CRACD: variants seen among roughly 807,000 people sequenced by gnomAD.
CRACD encodes the protein capping protein inhibiting regulator of actin dynamics.
A neutral mutation model predicts 106.8 loss-of-function variants in CRACD; 56 were observed. That is an observed-to-expected ratio of 0.52 (90% CI 0.42 to 0.66). CRACD has a LOEUF of 0.66. Among genes scored for constraint, CRACD ranks in the 30% least tolerant of loss-of-function variants. The pLI, the probability that CRACD is intolerant of heterozygous loss-of-function variation, is 0.00. For missense variants in CRACD, 1,730 were observed against 1,623.2 expected, an observed-to-expected ratio of 1.07 and a Z score of -1.13; for synonymous variants, 754 against 670.8, an observed-to-expected ratio of 1.12 and a Z score of -1.92.
chr4:56,274,784 T>C (rs1742582482), intron 3 of CRACD, among the ~76,000 whole-genome samples: 1 of 152,224 alleles, frequency 6.6e-6, no homozygotes, highest in Non-Finnish European at 1.5e-5. Context: ...TTAGTGGGTA[T>C]ATGCCCAGAG....
intron 4 of CRACD, among the ~76,000 whole-genome samples, chr4:56,301,536 ACATTCTTCTGAGATGAGATGT>A (rs2109730953): frequency 6.6e-6 from 1 of 152,206 alleles, no homozygotes; most frequent in South Asian, 2.1e-4. Flanking sequence ...CATTATTAAG[ACATTCTTCTGAGATGAGATGT>A]CTACTGGAGT....
intron 2 of CRACD, among the ~76,000 whole-genome samples, chr4:56,211,538 A>G (rs982730035): frequency 6.6e-6 from 1 of 152,208 alleles, no homozygotes; most frequent in Admixed American, 6.5e-5. Context: ...TACGCTGACA[A>G]TTGAAGAGTT....
chr4:56,088,867 A>C (rs1459624499), intron 1 of CRACD, among the ~76,000 whole-genome samples: 2 of 152,196 alleles, frequency 1.3e-5, no homozygotes, highest in Admixed American at 6.5e-5. Flanking sequence ...CTGGGATTAC[A>C]GGTACCCACC....
At chr4:56,258,546 G>C (rs1741506836) in intron 2 of CRACD, among the ~76,000 whole-genome samples, 1 of 152,172 alleles carries the variant, frequency 6.6e-6, no homozygotes. Context: ...CCTATGTCTA[G>C]TTGACTGAGG....
intron 3 of CRACD, among the ~76,000 whole-genome samples, chr4:56,286,170 A>G (rs1027082189): frequency 6.6e-6 from 1 of 152,132 alleles, no homozygotes; most frequent in Non-Finnish European, 1.5e-5. Context: ...AGGTGGGCAG[A>G]TCACTTGAGG....
intron 8 of CRACD, among the ~76,000 whole-genome samples, chr4:56,321,487 G>T (rs1357204652): frequency 2.0e-5 from 3 of 152,178 alleles, no homozygotes; most frequent in Non-Finnish European, 4.4e-5. Context: ...ACCTTCCCAA[G>T]CAAGTTCAGA....
At chr4:56,323,336 T>G in intron 8 of CRACD, 41 bp from the exon 9 acceptor site, 1 of 1,559,840 alleles carries the variant, frequency 6.4e-7, no homozygotes, top group Non-Finnish European at 8.7e-7. Flanking sequence ...AAGTCCGCAG[T>G]TAAGTTCATT....
At chr4:56,113,699 TG>T (rs1018976276) in intron 1 of CRACD, among the ~76,000 whole-genome samples, 10 of 152,310 alleles carry the variant, frequency 6.6e-5, no homozygotes, top group Non-Finnish European at 1.0e-4. Context: ...GATATATTTT[TG>T]CTTCTCCCAC....
At chr4:56,269,916 C>A (rs1484919439) in intron 2 of CRACD, among the ~76,000 whole-genome samples, 1 of 152,160 alleles carries the variant, frequency 6.6e-6, no homozygotes, top group African/African-American at 2.4e-5. Flanking sequence ...CAAACTATAT[C>A]ACACACTTTC....
At chr4:56,293,116 T>C (rs1318816948) in intron 3 of CRACD, among the ~76,000 whole-genome samples, 1 of 152,174 alleles carries the variant, frequency 6.6e-6, no homozygotes, top group Non-Finnish European at 1.5e-5. Context: ...AAGAGAAAAT[T>C]AGTGAACTGG....
chr4:56,283,211 A>G (rs1488794830), intron 3 of CRACD, among the ~76,000 whole-genome samples: 2 of 152,286 alleles, frequency 1.3e-5, no homozygotes, highest in Admixed American at 1.3e-4. Context: ...ACATGCCACC[A>G]AGAAAGAAGG....
intron 1 of CRACD, among the ~76,000 whole-genome samples, chr4:56,111,036 T>C (rs1384041695): frequency 6.6e-6 from 1 of 150,568 alleles, no homozygotes; most frequent in African/African-American, 2.5e-5. Context: ...AAAAGGAAAA[T>C]ATGCTTTTCA....
chr4:56,210,624 G>C (rs1738352015), intron 2 of CRACD, among the ~76,000 whole-genome samples: 1 of 152,190 alleles, frequency 6.6e-6, no homozygotes, highest in African/African-American at 2.4e-5. Flanking sequence ...AGGTTTGTTA[G>C]GTAAACATTA....
intron 2 of CRACD, among the ~76,000 whole-genome samples, chr4:56,182,449 G>A (rs1384994766): frequency 6.6e-6 from 1 of 150,514 alleles, no homozygotes; most frequent in African/African-American, 2.5e-5. Flanking sequence ...AAAAAAACCA[G>A]CCAGGTCTAG....
chr4:56,146,996 G>A (rs549467367), intron 1 of CRACD, among the ~76,000 whole-genome samples: 1 of 152,292 alleles, frequency 6.6e-6, no homozygotes, highest in South Asian at 2.1e-4. Flanking sequence ...AAATATGCGG[G>A]AGTGGTGGCA....
At chr4:56,133,705 G>T (rs1734898075) in intron 1 of CRACD, among the ~76,000 whole-genome samples, 1 of 152,130 alleles carries the variant, frequency 6.6e-6, no homozygotes, top group Admixed American at 6.5e-5. Flanking sequence ...AAATTAAGCT[G>T]AATTGGTTGA....
chr4:56,148,449 C>A (rs1735471525), intron 1 of CRACD, among the ~76,000 whole-genome samples: 1 of 152,092 alleles, frequency 6.6e-6, no homozygotes, highest in African/African-American at 2.4e-5. Flanking sequence ...TATCGCCATG[C>A]CTGGCTAATT....
At chr4:56,130,917 G>A (rs896189565) in intron 1 of CRACD, among the ~76,000 whole-genome samples, 1 of 151,952 alleles carries the variant, frequency 6.6e-6, no homozygotes, top group African/African-American at 2.4e-5. Flanking sequence ...TCAGAAAAGG[G>A]TTAGAGATTA....
At chr4:56,075,935 A>G (rs1261984160) in intron 1 of CRACD, among the ~76,000 whole-genome samples, 2 of 152,164 alleles carry the variant, frequency 1.3e-5, no homozygotes, top group African/African-American at 4.8e-5. Flanking sequence ...CTGTAACCCC[A>G]AAGAGAGATT....
Sources: gnomAD v4.1 joint callset for allele counts (sites outside exome capture counted in the v4.1 genomes callset) on GRCh38, gnomAD v4.1.1 for gene constraint, MANE v1.5 for transcripts, NCBI Gene and HGNC (gene_info 2026-07-23, HGNC 2026-07-21) for gene names.